Variants in GPHN observed in about 807,000 individuals in gnomAD.
GPHN encodes gephyrin.
Under a neutral mutation model 95.5 loss-of-function variants are expected in GPHN, and 17 were observed. That is an observed-to-expected ratio of 0.18 (90% confidence interval 0.12 to 0.27). The LOEUF (loss-of-function observed/expected upper bound fraction) is 0.27, where lower values mean the gene tolerates loss of function less well. Ranked by LOEUF, GPHN falls within the 10% of genes least tolerant of loss-of-function variation. The pLI is 1.00. For missense variants in GPHN, 660 were observed against 978.1 expected (o/e 0.67, Z 4.34); for synonymous variants, 320 against 322.5 (o/e 0.99, Z 0.08).
intron 1 of GPHN, among the ~76,000 whole-genome samples, chr14:66,511,202 G>A (rs950673871): frequency 2.0e-5 from 3 of 152,078 alleles, no homozygotes; most frequent in Non-Finnish European, 4.4e-5. Context: ...TGATTTGGGG[G>A]AAAGAACTTA....
At chr14:67,481,486 T>C in the GPHN span, among the ~76,000 whole-genome samples, 2 of 151,814 alleles carry the variant, frequency 1.3e-5, no homozygotes, top group Non-Finnish European at 2.9e-5. Context: ...ACAGGGGAAA[T>C]GAAAGACCTG....
At chr14:67,327,558 T>A in the GPHN span, among the ~76,000 whole-genome samples, 1 of 152,158 alleles carries the variant, frequency 6.6e-6, no homozygotes, top group Non-Finnish European at 1.5e-5. Context: ...GTTACGTATG[T>A]ATACATGTGC....
At chr14:67,529,253 C>T in the GPHN span, among the ~76,000 whole-genome samples, 1 of 152,284 alleles carries the variant, frequency 6.6e-6, no homozygotes, top group East Asian at 1.9e-4. Flanking sequence ...GGCTCCCATA[C>T]CCACAGGTAT....
the GPHN span, among the ~76,000 whole-genome samples, chr14:67,431,317 G>A: frequency 6.7e-6 from 1 of 149,248 alleles, no homozygotes; most frequent in Non-Finnish European, 1.5e-5. Context: ...GCTTGAACCT[G>A]GGAGGCGGAG....
the GPHN span, among the ~76,000 whole-genome samples, chr14:67,563,447 T>C: frequency 6.7e-6 from 1 of 148,624 alleles, no homozygotes; most frequent in African/African-American, 2.5e-5. Context: ...GGGGTGGGGG[T>C]GAGGGGGCAG....
chr14:67,644,340 G>A, the GPHN span, among the ~76,000 whole-genome samples: 1 of 152,212 alleles, frequency 6.6e-6, no homozygotes. Flanking sequence ...TCACAGAAAA[G>A]GAAACTGAAA....
chr14:67,381,748 T>G, the GPHN span: 1 of 1,227,442 alleles, frequency 8.1e-7, no homozygotes, highest in Non-Finnish European at 1.2e-6. Flanking sequence ...AAATAGGATC[T>G]TTGATCTTTG....
chr14:67,426,250 C>G, the GPHN span, among the ~76,000 whole-genome samples: 1 of 152,090 alleles, frequency 6.6e-6, no homozygotes, highest in Admixed American at 6.5e-5. Flanking sequence ...TTGTGTGGTC[C>G]GACAGGATCT....
intron 5 of GPHN, among the ~76,000 whole-genome samples, chr14:66,894,818 A>G (rs1438204600): frequency 6.6e-6 from 1 of 152,222 alleles, no homozygotes; most frequent in Non-Finnish European, 1.5e-5. Flanking sequence ...ATACCATCTC[A>G]CACCAGTTAG....
At chr14:66,878,899 C>G in intron 4 of GPHN, among the ~76,000 whole-genome samples, 1 of 152,148 alleles carries the variant, frequency 6.6e-6, no homozygotes, top group East Asian at 1.9e-4. Context: ...TCTAAAGACA[C>G]ATGCACACAT....
chr14:67,174,920 A>G (rs939533351), intron 21 of GPHN, among the ~76,000 whole-genome samples: 1 of 151,898 alleles, frequency 6.6e-6, no homozygotes, highest in Non-Finnish European at 1.5e-5. Flanking sequence ...CCACTTTTTG[A>G]TGGGGTTGTT....
chr14:67,387,307 TC>T, the GPHN span: 2 of 1,598,586 alleles, frequency 1.3e-6, no homozygotes, highest in Middle Eastern at 1.7e-4. Flanking sequence ...GAGGGAGGAA[TC>T]CTGGTTCCCT....
At chr14:67,487,687 T>G in the GPHN span, among the ~76,000 whole-genome samples, 1 of 152,354 alleles carries the variant, frequency 6.6e-6, no homozygotes, top group Non-Finnish European at 1.5e-5. Context: ...TTTATTCATC[T>G]CATTTTATTA....
chr14:67,050,727 G>A (rs188143499), intron 10 of GPHN, among the ~76,000 whole-genome samples: 29 of 152,218 alleles, frequency 1.9e-4, no homozygotes, highest in Admixed American at 1.1e-3. Context: ...AGGCTCCCAC[G>A]TAGAAGAATG....
intron 8 of GPHN, among the ~76,000 whole-genome samples, chr14:66,939,924 G>T (rs1418119424): frequency 6.6e-6 from 1 of 152,146 alleles, no homozygotes; most frequent in Non-Finnish European, 1.5e-5. Flanking sequence ...GAGAAACCAG[G>T]TTATTAGAAA....
chr14:67,359,372 G>A, the GPHN span, among the ~76,000 whole-genome samples: 1 of 152,196 alleles, frequency 6.6e-6, no homozygotes, highest in Non-Finnish European at 1.5e-5. Context: ...AAGGGTATGT[G>A]GAATGGATGA....
chr14:66,655,628 A>T (rs1279723655), intron 1 of GPHN, among the ~76,000 whole-genome samples: 2 of 151,166 alleles, frequency 1.3e-5, no homozygotes, highest in African/African-American at 4.9e-5. Context: ...AATATTATTT[A>T]CTTCATTGAA....
At position 66,598,574 on chromosome 14, in the gene GPHN, C is replaced by T. The variant is rs111563819; in HGVS notation, c.65-82533C>T. On this transcript the variant is annotated intron_variant, in intron 1 of 22. Coordinates refer to ENST00000478722, the MANE Select transcript of GPHN (RefSeq NM_020806.5). ...TAAAGAGGTGGAAAGAGGCTGGGTGCGGTGGCTCATGCCTGCAATCCCAGC... is the reference window on the plus strand; with the variant it reads ...TAAAGAGGTGGAAAGAGGCTGGGTGTGGTGGCTCATGCCTGCAATCCCAGC... Among the ~76,000 whole-genome samples the T allele has an allele frequency of 3.7e-3, 559 of 152,182 alleles. 12 individuals carry two copies. Among genetic ancestry groups the T allele is most frequent in the African/African-American group, 0.013 (533 of 41,528 alleles).
intron 9 of GPHN, among the ~76,000 whole-genome samples, chr14:66,984,136 G>A (rs569332095): frequency 6.6e-6 from 1 of 152,262 alleles, no homozygotes; most frequent in East Asian, 1.9e-4. Context: ...TTTTCAGAAA[G>A]CCTCATGAGG....
Sources: allele counts gnomAD v4.1 joint callset (sites outside exome capture counted in the v4.1 genomes callset), GRCh38; gene constraint gnomAD v4.1.1; transcripts MANE v1.5; gene names NCBI Gene and HGNC (gene_info 2026-07-23, HGNC 2026-07-21).